The following BCAR1 variants were observed in gnomAD, a reference collection of about 807,000 sequenced individuals.
The protein encoded by BCAR1 is breast cancer anti-estrogen resistance protein 1.
BCAR1 carries 30 observed loss-of-function variants against 67.6 expected under a neutral mutation model. The observed-to-expected ratio is 0.44, with a 90% CI of 0.33 to 0.60. The LOEUF (loss-of-function observed/expected upper bound fraction) is 0.60, where lower values mean the gene tolerates loss of function less well. Among genes scored for constraint, BCAR1 ranks in the 20% least tolerant of loss-of-function variants. The pLI is 0.02. For missense variants in BCAR1, 1,313 were observed against 1,222.3 expected, an observed-to-expected ratio of 1.07 and a Z score of -1.11; for synonymous variants, 626 against 556.7, an observed-to-expected ratio of 1.12 and a Z score of -1.75.
At chr16:75,251,350 G>T in intron 1 of BCAR1, 121 bp downstream of exon 1, 1 of 1,343,924 alleles carries the variant, frequency 7.4e-7, no homozygotes, top group Non-Finnish European at 9.8e-7. Flanking sequence ...CAGGGCCGCG[G>T]ACCCCGGCCG....
At chr16:75,257,687 G>C (rs1286378393) in intron 1 of BCAR1, among the ~76,000 whole-genome samples, 1 of 152,168 alleles carries the variant, frequency 6.6e-6, no homozygotes, top group Non-Finnish European at 1.5e-5. Context: ...ACTCCTGGGG[G>C]CTCAAGCGAT....
chr16:75,256,625 A>G (rs1439727723), intron 1 of BCAR1, among the ~76,000 whole-genome samples: 2 of 152,120 alleles, frequency 1.3e-5, no homozygotes, highest in African/African-American at 4.8e-5. Flanking sequence ...GAGGCAGCAC[A>G]ACTTTCCAAA....
chr16:75,233,760 AC>A, intron 6 of BCAR1, 85 bp downstream of exon 6: 1 of 1,357,538 alleles, frequency 7.4e-7, no homozygotes, highest in Non-Finnish European at 1.0e-6. Context: ...GAAGCTGGGG[AC>A]CCGGGGTCGG....
At chr16:75,252,376 C>T, upstream of BCAR1, 2 of 1,514,998 alleles carry the variant, frequency 1.3e-6, no homozygotes, top group Non-Finnish European at 1.8e-6. Flanking sequence ...TCTGCTTCAG[C>T]GACATGGGGT....
Position 75,235,947 on chromosome 16 carries a change from C to G in BCAR1, c.952G>C (p.Asp318His). The change falls in exon 5 of 7, where the codon GAT becomes CAT. Residue 318 changes from aspartate to histidine, a missense_variant. By Grantham distance (81) the Asp-to-His change is moderately conservative. Coordinates refer to ENST00000162330, the MANE Select transcript of BCAR1 (RefSeq NM_014567.5). ...VPPSVSKDVP[D>H]GPLLREETYD... ...GTCTCCTCACGCAGCAGTGGGCCATCGGGCACATCCTTGCTCACCGATGGA... is the reference window on the plus strand; with the variant it reads ...GTCTCCTCACGCAGCAGTGGGCCATGGGGCACATCCTTGCTCACCGATGGA... The G allele has an allele frequency of 1.3e-6, 2 of 1,574,586 alleles. No individual in the cohort carries two copies. The highest frequency in any genetic ancestry group is 8.6e-7 in the Non-Finnish European group (1 of 1,159,472).
intron 1 of BCAR1, chr16:75,263,421 G>A (rs1843045912): frequency 2.2e-5 from 22 of 985,408 alleles, no homozygotes; most frequent in South Asian, 4.7e-5. Context: ...ATACCCACAG[G>A]GTGTCCAGGC....
intron 1 of BCAR1, among the ~76,000 whole-genome samples, chr16:75,262,678 C>G (rs529041519): frequency 5.3e-5 from 8 of 152,174 alleles, no homozygotes; most frequent in East Asian, 1.9e-4. Flanking sequence ...GCAGCTCCCC[C>G]ACTCACACCA....
At chr16:75,254,843 CCAGCACA>C (rs2077743415), upstream of BCAR1, among the ~76,000 whole-genome samples, 1 of 152,106 alleles carries the variant, frequency 6.6e-6, no homozygotes, top group African/African-American at 2.4e-5. Flanking sequence ...ACAGGTGGAC[CCAGCACA>C]CCAGGACACT....
chr16:75,234,749 T>G, intron 5 of BCAR1, 140 bp downstream of exon 5: 6 of 1,289,796 alleles, frequency 4.7e-6, no homozygotes, highest in South Asian at 1.8e-5. Flanking sequence ...ATGGGGCCAA[T>G]GTGGGGTGAG....
chr16:75,238,377 T>C (rs2077215723), intron 2 of BCAR1: 12 of 1,097,610 alleles, frequency 1.1e-5, no homozygotes, highest in Non-Finnish European at 1.3e-5. Flanking sequence ...TCAAAGGGGA[T>C]GTCTGGGACA....
At chr16:75,241,581 T>G (rs1034489424) in intron 2 of BCAR1, among the ~76,000 whole-genome samples, 2 of 152,180 alleles carry the variant, frequency 1.3e-5, no homozygotes, top group African/African-American at 4.8e-5. Context: ...GAGCAGGAAG[T>G]GGGAGCCAGT....
chr16:75,250,845 T>A, intron 1 of BCAR1: 1 of 985,432 alleles, frequency 1.0e-6, no homozygotes, highest in African/African-American at 1.7e-5. Flanking sequence ...AGGACCCGGC[T>A]TCCACCGGCG....
intron 1 of BCAR1, among the ~76,000 whole-genome samples, chr16:75,244,065 A>G (rs962401487): frequency 6.6e-6 from 1 of 152,212 alleles, no homozygotes; most frequent in Non-Finnish European, 1.5e-5. Flanking sequence ...CAGGGGCCCC[A>G]GACTTCACAC....
intron 1 of BCAR1, chr16:75,247,400 C>G (rs1187311677): frequency 6.5e-6 from 1 of 153,562 alleles, no homozygotes; most frequent in Non-Finnish European, 1.4e-5. Context: ...TCATTGTGTC[C>G]CCGGGGCCCG....
At chr16:75,252,176 G>C, upstream of BCAR1, 1 of 1,533,984 alleles carries the variant, frequency 6.5e-7, no homozygotes. Flanking sequence ...AGGAAATGAA[G>C]CCTCAAGCAG....
chr16:75,260,238 G>C (rs1292701814), intron 1 of BCAR1, among the ~76,000 whole-genome samples: 8 of 152,010 alleles, frequency 5.3e-5, no homozygotes, highest in African/African-American at 1.9e-4. Context: ...TCTACTGTAG[G>C]CTTCCAGTTG....
At position 75,229,698 on chromosome 16, in the gene BCAR1, C is replaced by T. The variant is rs751262673; in HGVS notation, c.2426G>A (p.Arg809His). 1.2e-6 allele frequency: 2 copies of T among 1,612,830 alleles called. No homozygotes were observed. Among genetic ancestry groups the T allele is most frequent in the Non-Finnish European group, 1.7e-6 (2 of 1,179,862 alleles). ...LSRQAKAADV[R>H]SQVTHYSNLL... ...GTTGCTGTAGTGGGTCACCTGGCTGCGCACGTCAGCAGCCTTGGCCTGCCG... is the reference window on the plus strand; with the variant it reads ...GTTGCTGTAGTGGGTCACCTGGCTGTGCACGTCAGCAGCCTTGGCCTGCCG... Residue 809 changes from arginine (R) to histidine (H), a missense_variant, in exon 7 of 7, where the codon CGC becomes CAC. Physicochemically the swap from Arg to His is conservative, Grantham distance 29. Transcript: ENST00000162330.
rs763553786 is a variant in BCAR1, at chr16:75,235,303, T to C, written c.1596A>G (p.Thr532=). 3 of 1,605,650 alleles carry C rather than the reference T, an allele frequency of 1.9e-6. No homozygotes were observed. The highest frequency in any genetic ancestry group is 2.6e-6 in the Non-Finnish European group (3 of 1,174,414). The change falls in exon 5 of 7, where the codon ACA becomes ACG. Residue 532 remains threonine, a synonymous_variant. Coordinates refer to ENST00000162330, the MANE Select transcript of BCAR1 (RefSeq NM_014567.5). ...GCTTGGCATGCAGGGCACGGTCAGA[T>C]GTGTGGGCAGCATTGCCCACCGCGC... ...ARSAVGNAAH[T]SDRALHAKLS... is the part of the protein sequence containing the mutation.
intron 1 of BCAR1, among the ~76,000 whole-genome samples, chr16:75,245,147 C>T (rs1800901276): frequency 6.6e-6 from 1 of 152,160 alleles, no homozygotes; most frequent in African/African-American, 2.4e-5. Flanking sequence ...TCAGGGCCCC[C>T]ATCCCAGGCG....
Sources: allele counts gnomAD v4.1 joint callset (sites outside exome capture counted in the v4.1 genomes callset), GRCh38; gene constraint gnomAD v4.1.1; transcripts MANE v1.5; gene names NCBI Gene and HGNC (gene_info 2026-07-23, HGNC 2026-07-21).